The following C14orf93 variants were observed in gnomAD, a reference collection of about 807,000 sequenced individuals.
The protein encoded by C14orf93 is chromosome 14 open reading frame 93.
In C14orf93, 23 loss-of-function variants were observed where a neutral mutation model predicts 44.0. The ratio of observed to expected loss-of-function variants is 0.52; its 90% CI spans 0.38 to 0.74. The LOEUF is 0.74. Among genes scored for constraint, C14orf93 ranks in the 30% least tolerant of loss-of-function variants. C14orf93 has a pLI of 0.00. For missense variants in C14orf93, 579 were observed against 678.9 expected (o/e 0.85, Z 1.64); for synonymous variants, 253 against 265.7 (o/e 0.95, Z 0.46).
At position 23,009,066 on chromosome 14, in the gene C14orf93, C is replaced by T. The variant is rs114877099; in HGVS notation, c.-380+1035G>A. Among the ~76,000 whole-genome samples, 1,067 of 152,312 alleles carry T rather than the reference C, an allele frequency of 7.0e-3. 16 individuals are homozygous for T. The highest frequency in any genetic ancestry group is 0.024 in the African/African-American group (998 of 41,560). ...ATATACACAGCTGTACACTTAAGAA[C>T]GTGAGACAATAAAAAGCAAAACCAC... On this transcript the variant is annotated intron_variant, in intron 1 of 6. Transcript: ENST00000299088.
Position 22,999,158 on chromosome 14 carries a change from T to C in C14orf93, c.-135A>G. The C allele has an allele frequency of 7.2e-7, 1 of 1,380,822 alleles. No individual in the cohort carries two copies. The highest frequency in any genetic ancestry group is 9.6e-7 in the Non-Finnish European group (1 of 1,040,028). 85.5% of individuals were successfully genotyped at this position (1,380,822 alleles called of 1,614,324 possible). On this transcript the variant is annotated 5_prime_UTR_variant, in exon 2 of 7. Coordinates refer to ENST00000299088, the MANE Select transcript of C14orf93 (RefSeq NM_021944.4). ...AGCCCAGGCCCCAAGCTGTAGGGTC[T>C]GTGAAAGAAGAGTAAACAAGCCATG...
Position 22,999,210 on chromosome 14 carries a change from C to T in C14orf93, c.-187G>A. 1.2e-6 allele frequency: 1 copy of T among 860,400 alleles called. No individual in the cohort carries two copies. The highest frequency in any genetic ancestry group is 1.7e-6 in the Non-Finnish European group (1 of 588,576). The allele number at this position is 860,400 out of a possible 1,614,324, so 53.3% of individuals were successfully genotyped here. On this transcript the variant is annotated 5_prime_UTR_variant, in exon 2 of 7. Transcript: ENST00000299088. ...AGAAGCACACAGTCCATGGCGGCCTCTCCTCGGCCTGCAGAAGGGAGACAG... is the reference window on the plus strand; with the variant it reads ...AGAAGCACACAGTCCATGGCGGCCTTTCCTCGGCCTGCAGAAGGGAGACAG...
At chr14:22,989,975 C>A (rs2045494113) in intron 4 of C14orf93, 91 bp downstream of exon 4, 2 of 1,429,090 alleles carry the variant, frequency 1.4e-6, no homozygotes, top group Non-Finnish European at 2.0e-6. Context: ...AGATCAAAGC[C>A]TTAGTCTCAT....
At chr14:22,990,670 T>C (rs1408319725) in intron 3 of C14orf93, among the ~76,000 whole-genome samples, 3 of 152,090 alleles carry the variant, frequency 2.0e-5, no homozygotes, top group Non-Finnish European at 4.4e-5. Context: ...GGTTTCACCA[T>C]GTTGGCCAGG....
chr14:22,998,344 T>C, intron 2 of C14orf93, 83 bp downstream of exon 2: 2 of 1,422,886 alleles, frequency 1.4e-6, no homozygotes, highest in South Asian at 1.6e-5. Context: ...GGTTTAAAGA[T>C]GGAAAGAAAA....
intron 1 of C14orf93, among the ~76,000 whole-genome samples, chr14:23,008,452 C>T (rs982353550): frequency 6.6e-5 from 10 of 152,046 alleles, no homozygotes; most frequent in African/African-American, 2.4e-4. Context: ...AGGATGCTAG[C>T]TGTGTAATAG....
rs1037898684 is a variant in C14orf93 at position 22,986,071 on chromosome 14, G to A, written c.*1144C>T. 3.3e-5 allele frequency: 5 copies of A among 152,240 alleles called. No individual in the cohort carries two copies. The highest frequency in any genetic ancestry group is 9.7e-5 in the African/African-American group (4 of 41,438). 9.4% of individuals were successfully genotyped at this position (152,240 alleles called of 1,614,324 possible). On this transcript the variant is annotated 3_prime_UTR_variant, in exon 7 of 7. Coordinates refer to ENST00000299088, the MANE Select transcript of C14orf93 (RefSeq NM_021944.4). The stretch of plus-strand genomic sequence containing the variant: ...TCCCCAAAAGTCTGCAGTAGAACTG[G>A]ACCTTGTCTGTACTCTCTCTTGCCC...
rs1331840537 is a variant in C14orf93 at position 22,999,239 on chromosome 14, C to T, written c.-216G>A. 6.5e-6 allele frequency: 4 copies of T among 612,820 alleles called. No homozygotes were observed. Among genetic ancestry groups the T allele is most frequent in the Non-Finnish European group, 5.4e-6 (2 of 373,368 alleles). 38.0% of individuals were successfully genotyped at this position (612,820 alleles called of 1,614,324 possible). A position where few individuals can be genotyped will look rare whatever the true frequency, so the allele number is the denominator to read the frequency against. On this transcript the variant is annotated 5_prime_UTR_variant, in exon 2 of 7. Transcript: ENST00000299088. ...TCGGCCTGCAGAAGGGAGACAGGTG[C>T]CTTCTATTTGCAGATCCTGTGCTCT...
Position 22,989,840 on chromosome 14 carries a change from T to C in C14orf93, c.986A>G (p.Lys329Arg). ...CACTACTGAAATATTCCAAGAGGAC[T>C]TGATGCTGCCACAAAGAGAAGAGAA... is the stretch of plus-strand genomic sequence containing the variant. ...DKRFNGSESI[K>R]SSWNISVVKF... Residue 329 changes from lysine (K) to arginine (R), a missense_variant, in exon 5 of 7, where the codon AAG becomes AGG. Physicochemically the swap from Lys to Arg is conservative, Grantham distance 26 (BLOSUM62 2). Transcript: ENST00000299088. 1 of 1,613,506 alleles carries C rather than the reference T, an allele frequency of 6.2e-7. No individual in the cohort carries two copies. The highest frequency in any genetic ancestry group is 8.5e-7 in the Non-Finnish European group (1 of 1,179,398).
intron 5 of C14orf93, among the ~76,000 whole-genome samples, chr14:22,989,188 TC>T (rs1342326344): frequency 6.6e-6 from 1 of 152,192 alleles, no homozygotes; most frequent in Non-Finnish European, 1.5e-5. Context: ...AGATTGGGTT[TC>T]GCCATGTTGC....
At position 22,988,062 on chromosome 14, in the gene C14orf93, A is replaced by G. The variant is rs112530226; in HGVS notation, c.1085-47T>C. The G allele has an allele frequency of 1.3e-4, 174 of 1,339,890 alleles. No individual in the cohort carries two copies. The African/African-American group carries it at 2.0e-3, about 16-fold the overall frequency. The allele number at this position is 1,339,890 out of a possible 1,614,324, so 83.0% of individuals were successfully genotyped here. A position where few individuals can be genotyped will look rare whatever the true frequency, so the allele number is the denominator to read the frequency against. On this transcript the variant is annotated intron_variant, in intron 5 of 6. Coordinates refer to ENST00000299088, the MANE Select transcript of C14orf93 (RefSeq NM_021944.4). ...GAGCAAGAAGGAGGGTCCTCTGAGT[A>G]GTGGTCCCCAGCCCGTTTTTCTGCC...
At chr14:23,002,996 A>G (rs2046388637) in intron 1 of C14orf93, among the ~76,000 whole-genome samples, 1 of 152,242 alleles carries the variant, frequency 6.6e-6, no homozygotes, top group Admixed American at 6.5e-5. Context: ...ACCTTCTATG[A>G]CGCAAATTAG....
chr14:23,008,368 CTTTTGTTATAAA>C (rs991535105), intron 1 of C14orf93, among the ~76,000 whole-genome samples: 4 of 152,126 alleles, frequency 2.6e-5, no homozygotes, highest in African/African-American at 9.7e-5. Flanking sequence ...AACAGGGCCA[CTTTTGTTATAAA>C]TTTGTACAAG....
At chr14:22,999,468 A>C (rs2046186462) in intron 1 of C14orf93, 66 bp from the exon 2 acceptor site, 1 of 164,816 alleles carries the variant, frequency 6.1e-6, no homozygotes, top group Non-Finnish European at 1.3e-5. Context: ...CACCATCTTT[A>C]CTGTAATAAT....
intron 1 of C14orf93, among the ~76,000 whole-genome samples, chr14:22,999,664 T>G (rs533435795): frequency 6.6e-6 from 1 of 152,326 alleles, no homozygotes; most frequent in East Asian, 1.9e-4. Context: ...ATTGCTACTT[T>G]CAATGTAGTG....
chr14:22,987,893 A>G lies in C14orf93; in HGVS notation c.1197+10T>C. 6.2e-7 allele frequency: 1 copy of G among 1,601,952 alleles called. No individual in the cohort carries two copies. Among genetic ancestry groups the G allele is most frequent in the Non-Finnish European group, 8.6e-7 (1 of 1,169,416 alleles). ...GTTTAGTATCTTGAAAGAAAGGCCT[A>G]GAAACCTACCCGATATCGGCGACTT... On this transcript the variant is annotated intron_variant, in intron 6 of 6. Coordinates refer to ENST00000299088, the MANE Select transcript of C14orf93 (RefSeq NM_021944.4). The surrounding 1 kb of genome is among the most constrained non-coding windows in gnomAD (Gnocchi z 5.6).
chr14:22,999,165 G>A lies in C14orf93; in HGVS notation c.-142C>T, dbSNP rs956666831. On this transcript the variant is annotated 5_prime_UTR_variant, in exon 2 of 7. Transcript: ENST00000299088. ...GCCCCAAGCTGTAGGGTCTGTGAAA[G>A]AAGAGTAAACAAGCCATGAAGAAGC... The A allele has an allele frequency of 6.7e-6, 9 of 1,334,088 alleles. No individual in the cohort carries two copies. Among genetic ancestry groups the A allele is most frequent in the East Asian group, 5.0e-5 (2 of 40,228 alleles). The allele number at this position is 1,334,088 out of a possible 1,614,324, so 82.6% of individuals were successfully genotyped here. A position where few individuals can be genotyped will look rare whatever the true frequency, so the allele number is the denominator to read the frequency against.
chr14:23,008,333 A>C (rs2046739086), intron 1 of C14orf93, among the ~76,000 whole-genome samples: 1 of 152,228 alleles, frequency 6.6e-6, no homozygotes, highest in African/African-American at 2.4e-5. Flanking sequence ...TACACTCAGC[A>C]CAAGTAAGAA....
At position 22,996,123 on chromosome 14, in the gene C14orf93, G is replaced by A. The variant is rs1387882056; in HGVS notation, c.743C>T (p.Pro248Leu). Residue 248 changes from proline to leucine, a missense_variant, in exon 3 of 7, where the codon CCA (proline) becomes CTA (leucine). Pro to Leu is a moderately conservative substitution (Grantham distance 98). Coordinates refer to ENST00000299088, the MANE Select transcript of C14orf93 (RefSeq NM_021944.4). This position sits in a 1 kb window ranked among gnomAD's most constrained non-coding sequence, Gnocchi z 4.1. ...ATTGAGCATGTCCTCAGGGCGGGGTGGTGGCAGCTTGGTTCCATTTTCTGG... is the reference window on the plus strand; with the variant it reads ...ATTGAGCATGTCCTCAGGGCGGGGTAGTGGCAGCTTGGTTCCATTTTCTGG... ...TGPENGTKLP[P>L]PRPEDMLNAA... 6.2e-7 allele frequency: 1 copy of A among 1,613,910 alleles called. No homozygotes were observed. Among genetic ancestry groups the A allele is most frequent in the Non-Finnish European group, 8.5e-7 (1 of 1,179,968 alleles).
Sources: allele counts gnomAD v4.1 joint callset (sites outside exome capture counted in the v4.1 genomes callset), GRCh38; gene constraint gnomAD v4.1.1; non-coding constraint Gnocchi (gnomAD v3.1); transcripts MANE v1.5; gene names NCBI Gene and HGNC (gene_info 2026-07-23, HGNC 2026-07-21).